Variants in VPS53 observed in about 807,000 individuals in gnomAD.
VPS53 encodes the protein VPS53 subunit of GARP complex, also known as vacuolar protein sorting-associated protein 53 homolog.
Under a neutral mutation model 107.0 loss-of-function variants are expected in VPS53, and 70 were observed. The observed-to-expected ratio is 0.65, with a 90% CI of 0.54 to 0.80. The LOEUF is 0.80. Ranked by LOEUF, VPS53 falls within the 30% of genes least tolerant of loss-of-function variation. The pLI, the probability that VPS53 is intolerant of heterozygous loss-of-function variation, is 0.00. For synonymous variants in VPS53, 409 were observed against 393.3 expected, an observed-to-expected ratio of 1.04 and a Z score of -0.47; for missense variants, 917 against 1,049.4, an observed-to-expected ratio of 0.87 and a Z score of 1.74.
In VPS53 at chr17:560,482, A is replaced by G. The variant is rs779763407; in HGVS notation, c.1648T>C (p.Cys550Arg). The change falls in exon 15 of 22, where the codon TGC (cysteine) becomes CGC (arginine). Residue 550 changes from cysteine (C) to arginine (R), a missense_variant. Physicochemically the swap from Cys to Arg is radical, Grantham distance 180. Transcript: ENST00000437048. Reference sequence around the variant, plus strand: ...GTGCTCAGGATGTTACAGATGAGGCAGAGCTCCTCCAGAGTGAACTTGGCT... The same window carrying G: ...GTGCTCAGGATGTTACAGATGAGGCGGAGCTCCTCCAGAGTGAACTTGGCT... ...EVAKFTLEEL[C>R]LICNILSTAE... 1 of 1,613,284 alleles carries G rather than the reference A, an allele frequency of 6.2e-7. No individual in the cohort carries two copies. The highest frequency in any genetic ancestry group is 1.3e-5 in the African/African-American group (1 of 75,042).
rs372768962 is a variant in VPS53, at chr17:563,916, A to G, written c.1314-1171T>C. Among the ~76,000 whole-genome samples, 9 of 152,386 alleles carry G rather than the reference A, an allele frequency of 5.9e-5. No homozygotes were observed. The East Asian group carries it at 1.7e-3, about 29-fold the overall frequency. On this transcript the variant is annotated intron_variant, in intron 13 of 21. Coordinates refer to ENST00000437048, the MANE Select transcript of VPS53 (RefSeq NM_001128159.3). ...TTCTCCTCCGATTTAGTTTTTTCTT[A>G]GAACTTCCAGAATCAAAGGTTTAAA...
At position 662,751 on chromosome 17, in the gene VPS53, G is replaced by GAGAA. The variant is rs148578494; in HGVS notation, c.286-860_286-857dup. ...AGGGAGAGAAAGAGAGACAAAGAAA[G>GAGAA]AGAAAGAAAGAAAGAAAGAAAGAGA... is the stretch of plus-strand genomic sequence containing the variant. On this transcript the variant is annotated intron_variant, in intron 4 of 21. Coordinates refer to ENST00000437048, the MANE Select transcript of VPS53 (RefSeq NM_001128159.3). Among the ~76,000 whole-genome samples the GAGAA allele has an allele frequency of 6.1e-3, 490 of 80,036 alleles. 6 individuals carry two copies. The highest frequency in any genetic ancestry group is 0.014 in the African/African-American group (438 of 30,838). 52.5% of individuals were successfully genotyped at this position (80,036 alleles called of 152,430 possible). A position where few individuals can be genotyped will look rare whatever the true frequency, so the allele number is the denominator to read the frequency against.
At chr17:647,969 C>CCGTGAATG (rs781011498) in intron 7 of VPS53, among the ~76,000 whole-genome samples, 16 of 152,234 alleles carry the variant, frequency 1.1e-4, no homozygotes, top group Non-Finnish European at 2.4e-4. Flanking sequence ...TGCACCCACA[C>CCGTGAATG]CGTGAATGCG....
At chr17:691,695 A>T (rs368806361) in intron 4 of VPS53, among the ~76,000 whole-genome samples, 1 of 152,212 alleles carries the variant, frequency 6.6e-6, no homozygotes, top group East Asian at 1.9e-4. Context: ...CAGGTCACGA[A>T]TCATTCCTTC....
At chr17:560,345 C>T (rs150990853) in intron 15 of VPS53, 81 bp downstream of exon 15, 40 of 1,509,776 alleles carry the variant, frequency 2.6e-5, no homozygotes, top group South Asian at 3.9e-5. Flanking sequence ...CATGTTAGGA[C>T]GTATATTCTT....
At chr17:533,542 G>A (rs1909769640) in intron 18 of VPS53, among the ~76,000 whole-genome samples, 1 of 152,172 alleles carries the variant, frequency 6.6e-6, no homozygotes, top group East Asian at 1.9e-4. Flanking sequence ...TCCCTCGCCT[G>A]GACTGCCTTT....
chr17:539,522 A>C (rs535758240), intron 17 of VPS53, among the ~76,000 whole-genome samples: 44 of 152,364 alleles, frequency 2.9e-4, no homozygotes, highest in African/African-American at 9.9e-4. Context: ...AGTACTAGAA[A>C]ACAATAAAAG....
At chr17:601,409 C>T (rs954448755) in intron 12 of VPS53, among the ~76,000 whole-genome samples, 27 of 152,300 alleles carry the variant, frequency 1.8e-4, no homozygotes, top group Middle Eastern at 3.4e-3. Context: ...CTCTCCTAGC[C>T]GAGGGTGCTG....
At position 542,599 on chromosome 17, in the gene VPS53, A is replaced by G. The variant is rs528779762; in HGVS notation, c.1867-5423T>C. On this transcript the variant is annotated intron_variant, in intron 17 of 21. Transcript: ENST00000437048. ...ACTTGCACTATCACTAAAAATCACTAAATTTCGATAACTGATAATTATCAA... is the reference window on the plus strand; with the variant it reads ...ACTTGCACTATCACTAAAAATCACTGAATTTCGATAACTGATAATTATCAA... Among the ~76,000 whole-genome samples the G allele has an allele frequency of 7.2e-5, 11 of 152,312 alleles. No homozygotes were observed. In the South Asian group the frequency reaches 2.1e-3, roughly 29 times the overall value.
chr17:538,594 T>C (rs1597262759), intron 17 of VPS53: 2 of 152,172 alleles, frequency 1.3e-5, no homozygotes, highest in South Asian at 4.1e-4. Context: ...CTCCTAATGT[T>C]TTTTCAAATC....
chr17:589,466 T>C (rs1316997650), intron 12 of VPS53, among the ~76,000 whole-genome samples: 3 of 152,192 alleles, frequency 2.0e-5, no homozygotes, highest in Non-Finnish European at 4.4e-5. Flanking sequence ...GGACATTATG[T>C]CTACAACTTA....
intron 11 of VPS53, among the ~76,000 whole-genome samples, chr17:612,794 A>G (rs1968951842): frequency 6.8e-6 from 1 of 146,690 alleles, no homozygotes; most frequent in African/African-American, 2.6e-5. Flanking sequence ...GAAAACCTGT[A>G]CAAATATTCA....
At chr17:632,291 G>A (rs548821542) in intron 7 of VPS53, among the ~76,000 whole-genome samples, 1 of 152,150 alleles carries the variant, frequency 6.6e-6, no homozygotes, top group South Asian at 2.1e-4. Context: ...ATCCACTTTG[G>A]ATTACTGGTG....
At chr17:635,276 T>A (rs1450243202) in intron 7 of VPS53, among the ~76,000 whole-genome samples, 11 of 152,170 alleles carry the variant, frequency 7.2e-5, no homozygotes, top group Admixed American at 2.0e-4. Context: ...GTTTGAGTTA[T>A]TTATAGATTC....
intron 2 of VPS53, chr17:705,688 C>G (rs1230730745): frequency 6.6e-6 from 1 of 152,048 alleles, no homozygotes; most frequent in African/African-American, 2.4e-5. Flanking sequence ...TGCAGTGAGC[C>G]GAGATGGCAC....
intron 1 of VPS53, among the ~76,000 whole-genome samples, 187 bp from the exon 2 acceptor site, chr17:710,800 G>A (rs1350589804): frequency 1.3e-5 from 2 of 151,930 alleles, no homozygotes; most frequent in African/African-American, 4.8e-5. Flanking sequence ...AACTTGGCTG[G>A]GTGTGGTGTT....
intron 2 of VPS53, among the ~76,000 whole-genome samples, chr17:701,103 C>G (rs1008147974): frequency 6.6e-6 from 1 of 152,088 alleles, no homozygotes; most frequent in Non-Finnish European, 1.5e-5. Flanking sequence ...GTGGGAGGAT[C>G]ACTTAAATCC....
rs1567611531 is a variant in VPS53 at position 543,835 on chromosome 17, GGGAGGGAGGGAGGGAA to G, written c.1867-6675_1867-6660del. 5.0e-4 allele frequency among the ~76,000 whole-genome samples: 38 copies of G among 76,148 alleles called. 1 individual carries two copies. The highest frequency in any genetic ancestry group is 2.3e-4 in the Admixed American group (2 of 8,750). The allele number at this position is 76,148 out of a possible 152,430, so 50.0% of individuals were successfully genotyped here. ...AGGAAGGGAGGGAGGGAGGGAGGGA[GGGAGGGAGGGAGGGAA>G]GGAGGGAAGGAGGGAGGGAAGGAGG... is the stretch of plus-strand genomic sequence containing the variant. On this transcript the variant is annotated intron_variant, in intron 17 of 21. Coordinates refer to ENST00000437048, the MANE Select transcript of VPS53 (RefSeq NM_001128159.3).
chr17:691,429 GTAA>G (rs1972771823), intron 4 of VPS53, among the ~76,000 whole-genome samples: 1 of 152,194 alleles, frequency 6.6e-6, no homozygotes, highest in South Asian at 2.1e-4. Flanking sequence ...CGTCAGAGAT[GTAA>G]TACAAAGGAC....
Sources: allele counts gnomAD v4.1 joint callset (sites outside exome capture counted in the v4.1 genomes callset), GRCh38; gene constraint gnomAD v4.1.1; transcripts MANE v1.5; gene names NCBI Gene and HGNC (gene_info 2026-07-23, HGNC 2026-07-21).